ALDH7A1: variants seen among roughly 807,000 people sequenced by gnomAD.
ALDH7A1 encodes aldehyde dehydrogenase 7 family member A1, also known as alpha-aminoadipic semialdehyde dehydrogenase.
In ALDH7A1, 63 loss-of-function variants were observed where a neutral mutation model predicts 79.9. The ratio of observed to expected loss-of-function variants is 0.79; its 90% CI spans 0.64 to 0.97. The LOEUF is 0.97. ALDH7A1 is among the 50% of genes least tolerant of loss of function. ALDH7A1 has a pLI of 0.00. For synonymous variants in ALDH7A1, 240 were observed against 231.2 expected (o/e 1.04, Z -0.34); for missense variants, 627 against 665.2 (o/e 0.94, Z 0.63).
At chr5:126,556,401 C>A (rs1006333753) in intron 11 of ALDH7A1, among the ~76,000 whole-genome samples, 14 of 151,968 alleles carry the variant, frequency 9.2e-5, no homozygotes, top group African/African-American at 3.4e-4. Flanking sequence ...CACCACCACA[C>A]CTGGCTAATT....
intron 3 of ALDH7A1, among the ~76,000 whole-genome samples, chr5:126,591,176 T>C (rs1328333521): frequency 6.6e-6 from 1 of 152,188 alleles, no homozygotes; most frequent in Non-Finnish European, 1.5e-5. Context: ...AAGTAAGTTT[T>C]TAAAACAATG....
intron 3 of ALDH7A1, 94 bp downstream of exon 3, chr5:126,592,570 G>A (rs544760434): frequency 2.9e-4 from 367 of 1,276,948 alleles, no homozygotes; most frequent in Admixed American, 1.1e-3. Flanking sequence ...TTAACAAGGC[G>A]GCACTGACCT....
In ALDH7A1 at chr5:126,589,858, T is replaced by C. The variant is rs540200538; in HGVS notation, c.312+2806A>G. On this transcript the variant is annotated intron_variant, in intron 3 of 17. Transcript: ENST00000409134. ...CCCAGCTGCCGCCCCATCTGGGAAGTAAGAAGCGCCTCTGCCCAGCTGCCC... is the reference window on the plus strand; with the variant it reads ...CCCAGCTGCCGCCCCATCTGGGAAGCAAGAAGCGCCTCTGCCCAGCTGCCC... 2.1e-5 allele frequency among the ~76,000 whole-genome samples: 3 copies of C among 146,108 alleles called. No homozygotes were observed. In the East Asian group the frequency reaches 6.3e-4, roughly 31 times the overall value.
At chr5:126,561,507 T>C (rs200165428) in intron 9 of ALDH7A1, 8 of 99,668 alleles carry the variant, frequency 8.0e-5, no homozygotes, top group Non-Finnish European at 1.6e-4. Context: ...TGTGTGTGTG[T>C]GTGTGTACGT....
chr5:126,550,093 C>T, intron 15 of ALDH7A1, 91 bp from the exon 16 acceptor site: 2 of 1,548,852 alleles, frequency 1.3e-6, no homozygotes, highest in African/African-American at 1.4e-5. Flanking sequence ...AGCTCAAAGG[C>T]TTTCAATACT....
Position 126,541,947 on chromosome 5 carries a change from A to C in ALDH7A1, c.*3018T>G, listed in dbSNP as rs1281328232. The C allele has an allele frequency of 8.5e-6, 1 of 118,300 alleles. No homozygotes were observed. Among genetic ancestry groups the C allele is most frequent in the Non-Finnish European group, 1.7e-5 (1 of 58,990 alleles). 7.3% of individuals were successfully genotyped at this position (118,300 alleles called of 1,614,324 possible). The stretch of plus-strand genomic sequence containing the variant: ...TTAAAGACAAAAATGTCAATAAAAC[A>C]TTTGTGGACCTTTCCAATAGAAAAA... On this transcript the variant is annotated 3_prime_UTR_variant, in exon 18 of 18. Coordinates refer to ENST00000409134, the MANE Select transcript of ALDH7A1 (RefSeq NM_001182.5).
At chr5:126,581,977 C>CA (rs370543985) in intron 5 of ALDH7A1, 38,512 of 305,508 alleles carry the variant, frequency 0.13, 843 homozygotes, top group African/African-American at 0.2. Flanking sequence ...GACTCCATCT[C>CA]AAAAAAAAAA....
At chr5:126,588,814 G>C (rs2094376856) in intron 3 of ALDH7A1, 1 of 152,140 alleles carries the variant, frequency 6.6e-6, no homozygotes, top group South Asian at 2.1e-4. Context: ...AGGTTGAGGT[G>C]GGTAAATTGC....
intron 7 of ALDH7A1, chr5:126,571,142 A>T (rs1438610590): frequency 6.9e-6 from 2 of 288,152 alleles, no homozygotes; most frequent in Non-Finnish European, 6.6e-6. Context: ...TCAAAAAACT[A>T]TTAGCAGATT....
At chr5:126,576,409 A>C (rs1466168320) in intron 6 of ALDH7A1, among the ~76,000 whole-genome samples, 2 of 152,220 alleles carry the variant, frequency 1.3e-5, no homozygotes, top group African/African-American at 2.4e-5. Context: ...ATTTAAAACA[A>C]ATTAATAACT....
intron 8 of ALDH7A1, chr5:126,568,708 C>T (rs1157582220): frequency 1.3e-5 from 4 of 314,230 alleles, no homozygotes; most frequent in Non-Finnish European, 2.5e-5. Context: ...TGTGTAATTC[C>T]TTTAAGGATT....
At chr5:126,559,796 G>A (rs77649062) in intron 10 of ALDH7A1, among the ~76,000 whole-genome samples, 3,788 of 152,116 alleles carry the variant, frequency 0.025, 165 homozygotes, top group African/African-American at 0.087. Flanking sequence ...CCATATGCAC[G>A]TTACGAAGAC....
rs150305320 is a variant in ALDH7A1 at position 126,552,062 on chromosome 5, T to C, written c.1276A>G (p.Thr426Ala). 51 of 1,614,044 alleles carry C rather than the reference T, an allele frequency of 3.2e-5. 1 individual carries two copies. The African/African-American group carries it at 5.6e-4, about 18-fold the overall frequency. Residue 426 changes from threonine to alanine, a missense_variant, in exon 14 of 18, where the codon ACA becomes GCA. Thr to Ala is a moderately conservative substitution (Grantham distance 58). Transcript: ENST00000409134. ...GLGHDASIAH[T>A]ETFAPILYVF... is the part of the protein sequence containing the mutation. ...TAGAGAATCGGAGCAAAAGTCTCTG[T>C]GTGTGCAATGGACGCATCGTGGCCA...
Position 126,550,301 on chromosome 5 carries a change from G to T in ALDH7A1, c.1318-8C>A. 6.3e-7 allele frequency: 1 copy of T among 1,588,462 alleles called. No individual in the cohort carries two copies. The highest frequency in any genetic ancestry group is 8.6e-7 in the Non-Finnish European group (1 of 1,157,712). On this transcript the variant is annotated splice_polypyrimidine_tract_variant and splice_region_variant and intron_variant, in intron 14 of 17. Transcript: ENST00000409134. The stretch of plus-strand genomic sequence containing the variant: ...AAAGACCTCTTCTTCATTCTAAAAG[G>T]AGAGACATTGGAAGCTGTAAGATGT...
At chr5:126,572,530 T>C (rs558859904) in intron 7 of ALDH7A1, among the ~76,000 whole-genome samples, 1 of 152,224 alleles carries the variant, frequency 6.6e-6, no homozygotes, top group South Asian at 2.1e-4. Context: ...AGTGTCAGAG[T>C]GTCATCAATG....
At chr5:126,589,576 C>T (rs1054258692) in intron 3 of ALDH7A1, among the ~76,000 whole-genome samples, 1 of 152,130 alleles carries the variant, frequency 6.6e-6, no homozygotes, top group African/African-American at 2.4e-5. Flanking sequence ...TTCAGGAGTT[C>T]GAGACCAACC....
chr5:126,544,943 G>A lies in ALDH7A1; in HGVS notation c.*22C>T, dbSNP rs1749735411. 8 of 1,588,048 alleles carry A rather than the reference G, an allele frequency of 5.0e-6. No individual in the cohort carries two copies. The highest frequency in any genetic ancestry group is 3.3e-5 in the Admixed American group (2 of 59,980). ...CAGCTGCTGGAACACCTCAAATTAAGGGATGTTCATCTAAAACACCTTTAC... is the reference window on the plus strand; with the variant it reads ...CAGCTGCTGGAACACCTCAAATTAAAGGATGTTCATCTAAAACACCTTTAC... On this transcript the variant is annotated 3_prime_UTR_variant, in exon 18 of 18. Coordinates refer to ENST00000409134, the MANE Select transcript of ALDH7A1 (RefSeq NM_001182.5).
intron 1 of ALDH7A1, chr5:126,594,155 C>T (rs755286176): frequency 2.1e-6 from 1 of 469,278 alleles, no homozygotes; most frequent in South Asian, 1.6e-5. Context: ...TAATGGGTAT[C>T]AGGCGCGGTG....
chr5:126,570,481 C>T (rs530733330), intron 8 of ALDH7A1: 1 of 350,250 alleles, frequency 2.9e-6, no homozygotes, highest in Non-Finnish European at 5.4e-6. Context: ...AAGTAAACAC[C>T]TTGATAAACC....
Sources: allele counts gnomAD v4.1 joint callset (sites outside exome capture counted in the v4.1 genomes callset), GRCh38; gene constraint gnomAD v4.1.1; transcripts MANE v1.5; gene names NCBI Gene and HGNC (gene_info 2026-07-23, HGNC 2026-07-21).